The following EXOC4 variants were observed in gnomAD, a reference collection of about 807,000 sequenced individuals.
The protein encoded by EXOC4 is SEC8-like 1.
Under a neutral mutation model 107.2 loss-of-function variants are expected in EXOC4, and 71 were observed. The ratio of observed to expected loss-of-function variants is 0.66; its 90% CI spans 0.55 to 0.81. The LOEUF (loss-of-function observed/expected upper bound fraction) is 0.81, where lower values mean the gene tolerates loss of function less well. EXOC4 is among the 30% of genes least tolerant of loss of function. The pLI, the probability that EXOC4 is intolerant of heterozygous loss-of-function variation, is 0.00. For missense variants in EXOC4, 1,108 were observed against 1,189.6 expected (o/e 0.93, Z 1.01); for synonymous variants, 456 against 441.2 (o/e 1.03, Z -0.42).
chr7:133,642,512 A>G (rs989768503), intron 10 of EXOC4, among the ~76,000 whole-genome samples: 1 of 152,176 alleles, frequency 6.6e-6, no homozygotes, highest in East Asian at 1.9e-4. Flanking sequence ...CCACACGTCT[A>G]GTGTTGCTAG....
At chr7:133,344,106 A>T (rs1200568461) in intron 5 of EXOC4, among the ~76,000 whole-genome samples, 1 of 152,104 alleles carries the variant, frequency 6.6e-6, no homozygotes, top group Non-Finnish European at 1.5e-5. Context: ...CATGAGCCAG[A>T]GCACCTGGCC....
intron 9 of EXOC4, among the ~76,000 whole-genome samples, chr7:133,583,287 T>C (rs1801322028): frequency 6.6e-6 from 1 of 152,186 alleles, no homozygotes; most frequent in Non-Finnish European, 1.5e-5. Flanking sequence ...TTCCTTAATA[T>C]TACTCCGATA....
chr7:134,018,132 T>C (rs1794951949), intron 17 of EXOC4, among the ~76,000 whole-genome samples: 1 of 152,204 alleles, frequency 6.6e-6, no homozygotes, highest in Non-Finnish European at 1.5e-5. Context: ...GGGAGGCTAT[T>C]TTTCTGCCAG....
At chr7:134,071,017 C>T (rs564808218), downstream of EXOC4, among the ~76,000 whole-genome samples, 4 of 152,156 alleles carry the variant, frequency 2.6e-5, no homozygotes, top group African/African-American at 7.2e-5. Flanking sequence ...ATCAGGAAAC[C>T]ATTAGTAGCT....
intron 5 of EXOC4, among the ~76,000 whole-genome samples, chr7:133,345,321 T>C (rs1272367591): frequency 6.6e-6 from 1 of 152,214 alleles, no homozygotes; most frequent in African/African-American, 2.4e-5. Context: ...TCTAAAATTG[T>C]ATGATGCCAA....
At chr7:134,049,724 A>T (rs1447543275) in intron 17 of EXOC4, among the ~76,000 whole-genome samples, 8 of 152,238 alleles carry the variant, frequency 5.3e-5, no homozygotes, top group Non-Finnish European at 1.5e-5. Flanking sequence ...TCGCCAGAGA[A>T]CAAGGACTAT....
intron 9 of EXOC4, among the ~76,000 whole-genome samples, chr7:133,491,747 G>A (rs917844681): frequency 6.6e-6 from 1 of 152,156 alleles, no homozygotes; most frequent in Non-Finnish European, 1.5e-5. Flanking sequence ...ACTTTGGGGA[G>A]TACAGAAGAG....
At chr7:134,033,539 C>T (rs1795316847) in intron 17 of EXOC4, among the ~76,000 whole-genome samples, 1 of 152,152 alleles carries the variant, frequency 6.6e-6, no homozygotes. Flanking sequence ...TTTTTAGAAA[C>T]ATGATCTTGC....
Position 133,317,288 on chromosome 7 carries a change from C to G in EXOC4, c.661C>G (p.Leu221Val), listed in dbSNP as rs538087610. The change falls in exon 5 of 18, where the codon CTC becomes GTC. Residue 221 changes from leucine (L) to valine (V), a missense_variant. Coordinates refer to ENST00000253861, the MANE Select transcript of EXOC4 (RefSeq NM_021807.4). ...AGTGCTTCTTTTCCCGTTCAGCTCC[C>G]TCGTGAAAGATGCTTCTGTTCCTCT... ...RNKEKGKISS[L>V]VKDASVPLID... 2.7e-5 allele frequency: 44 copies of G among 1,611,570 alleles called. No homozygotes were observed. The South Asian group carries it at 4.6e-4, about 17-fold the overall frequency.
intron 10 of EXOC4, among the ~76,000 whole-genome samples, chr7:133,766,720 A>AATG (rs1796145239): frequency 6.6e-6 from 1 of 152,002 alleles, no homozygotes; most frequent in African/African-American, 2.4e-5. Context: ...TATACTTGAC[A>AATG]ATGATTCTCA....
At chr7:133,645,086 C>CTTTTT (rs35058872) in intron 10 of EXOC4, among the ~76,000 whole-genome samples, 4 of 123,966 alleles carry the variant, frequency 3.2e-5, no homozygotes, top group Non-Finnish European at 4.9e-5. Flanking sequence ...CTTCTGCCAC[C>CTTTTT]TTTTTTTTTT....
chr7:133,851,838 C>T (rs1381347433), intron 11 of EXOC4, among the ~76,000 whole-genome samples: 2 of 152,318 alleles, frequency 1.3e-5, no homozygotes, highest in African/African-American at 4.8e-5. Context: ...GTGTCACAAA[C>T]TTCAACAGTT....
At chr7:133,643,461 G>A (rs73150853) in intron 10 of EXOC4, among the ~76,000 whole-genome samples, 2,936 of 152,136 alleles carry the variant, frequency 0.019, 49 homozygotes, top group South Asian at 0.028. Context: ...ACAGACACAC[G>A]CACAATCCGT....
chr7:133,581,902 C>T (rs530454363), intron 9 of EXOC4, among the ~76,000 whole-genome samples: 13 of 151,980 alleles, frequency 8.6e-5, no homozygotes, highest in East Asian at 1.9e-4. Context: ...GAAGAAGGCA[C>T]GTCTTTTCAT....
chr7:133,901,880 C>T (rs1799459244), intron 12 of EXOC4, among the ~76,000 whole-genome samples: 1 of 152,114 alleles, frequency 6.6e-6, no homozygotes, highest in African/African-American at 2.4e-5. Flanking sequence ...CAAGAATCCT[C>T]CCATCCCTTT....
At chr7:133,512,345 C>G (rs1278689840) in intron 9 of EXOC4, among the ~76,000 whole-genome samples, 1 of 151,978 alleles carries the variant, frequency 6.6e-6, no homozygotes, top group East Asian at 1.9e-4. Flanking sequence ...AGTAGAATCA[C>G]TAGAACCCAG....
At chr7:133,967,259 T>TA (rs1473991165) in intron 14 of EXOC4, among the ~76,000 whole-genome samples, 1 of 145,142 alleles carries the variant, frequency 6.9e-6, no homozygotes, top group Non-Finnish European at 1.5e-5. Flanking sequence ...TTAATCTTCT[T>TA]AAAAAACCAG....
intron 6 of EXOC4, among the ~76,000 whole-genome samples, chr7:133,364,495 GTTATTA>G (rs113322307): frequency 6.2e-4 from 94 of 152,102 alleles, no homozygotes; most frequent in African/African-American, 1.8e-3. Flanking sequence ...TTTAGTGGAA[GTTATTA>G]TTATTATTTT....
chr7:133,570,584 A>T (rs1466541552), intron 9 of EXOC4, among the ~76,000 whole-genome samples: 1 of 152,168 alleles, frequency 6.6e-6, no homozygotes, highest in Non-Finnish European at 1.5e-5. Context: ...TCAGATGCAG[A>T]TGGCTCTTGT....
Sources: gnomAD v4.1 joint callset for allele counts (sites outside exome capture counted in the v4.1 genomes callset) on GRCh38, gnomAD v4.1.1 for gene constraint, MANE v1.5 for transcripts, NCBI Gene and HGNC (gene_info 2026-07-23, HGNC 2026-07-21) for gene names.